Variants in NCKAP5 observed in about 807,000 individuals in gnomAD.
NCKAP5 encodes the protein nck-associated protein 5.
In NCKAP5, 92 loss-of-function variants were observed where a neutral mutation model predicts 167.0. The observed-to-expected ratio is 0.55, with a 90% CI of 0.47 to 0.66. The LOEUF (loss-of-function observed/expected upper bound fraction) is 0.66. NCKAP5 is among the 30% of genes least tolerant of loss of function. NCKAP5 has a pLI of 0.00. For missense variants in NCKAP5, 2,378 were observed against 2,315.0 expected (o/e 1.03, Z -0.56); for synonymous variants, 891 against 877.4 (o/e 1.02, Z -0.27).
chr2:133,020,602 T>C (rs2078492890), intron 6 of NCKAP5, among the ~76,000 whole-genome samples: 1 of 152,224 alleles, frequency 6.6e-6, no homozygotes, highest in African/African-American at 2.4e-5. Context: ...CACAGGATAA[T>C]GTGTCTTTTG....
At chr2:133,171,735 G>A (rs1405925838) in intron 5 of NCKAP5, among the ~76,000 whole-genome samples, 2 of 152,132 alleles carry the variant, frequency 1.3e-5, no homozygotes, top group Admixed American at 6.5e-5. Flanking sequence ...CAATAGATCC[G>A]CCGTAGTTCT....
intron 3 of NCKAP5, among the ~76,000 whole-genome samples, chr2:133,350,786 C>A (rs959731998): frequency 6.6e-6 from 1 of 152,038 alleles, no homozygotes; most frequent in African/African-American, 2.4e-5. Flanking sequence ...CCCTTTTAGT[C>A]CTCAGGATGG....
At chr2:133,293,445 A>G (rs559905814) in intron 4 of NCKAP5, among the ~76,000 whole-genome samples, 8 of 152,250 alleles carry the variant, frequency 5.3e-5, no homozygotes, top group African/African-American at 1.7e-4. Flanking sequence ...GTGCAAGGTG[A>G]TATCTTCTGG....
intron 19 of NCKAP5, among the ~76,000 whole-genome samples, chr2:132,696,161 T>C (rs946045548): frequency 1.1e-4 from 17 of 152,206 alleles, no homozygotes; most frequent in Non-Finnish European, 2.5e-4. Flanking sequence ...ATTACCTTTG[T>C]ATGCAAAAAT....
At chr2:133,178,734 AGAATGGCATAAACCCAGG>A (rs910428475) in intron 5 of NCKAP5, among the ~76,000 whole-genome samples, 2 of 147,282 alleles carry the variant, frequency 1.4e-5, no homozygotes, top group African/African-American at 5.0e-5. Flanking sequence ...CTGAGGCAGG[AGAATGGCATAAACCCAGG>A]AGGCGGAGCT....
the NCKAP5 span, among the ~76,000 whole-genome samples, chr2:133,609,685 T>C: frequency 1.3e-5 from 2 of 152,070 alleles, no homozygotes; most frequent in African/African-American, 4.8e-5. Context: ...CTCCACCAAA[T>C]GGCTTGGGTT....
the NCKAP5 span, among the ~76,000 whole-genome samples, chr2:133,598,061 T>C: frequency 1.3e-5 from 2 of 152,200 alleles, no homozygotes; most frequent in Admixed American, 6.5e-5. Flanking sequence ...CATTGTAAAT[T>C]GGAATGTCTG....
At chr2:133,553,281 A>G (rs923775775) in intron 2 of NCKAP5, among the ~76,000 whole-genome samples, 19 of 152,230 alleles carry the variant, frequency 1.2e-4, no homozygotes, top group African/African-American at 4.3e-4. Context: ...TGCAGAGCCA[A>G]CTGGTATGAA....
chr2:133,074,381 A>C (rs2149567530), intron 6 of NCKAP5, among the ~76,000 whole-genome samples: 1 of 151,698 alleles, frequency 6.6e-6, no homozygotes, highest in Admixed American at 6.6e-5. Context: ...TTTTTTTGAG[A>C]CAGGGTCTCA....
In NCKAP5 at chr2:133,344,192, G is replaced by A. The variant is rs112519595; in HGVS notation, c.70-41082C>T. 1.7e-3 allele frequency among the ~76,000 whole-genome samples: 252 copies of A among 152,252 alleles called. 3 individuals carry two copies. The highest frequency in any genetic ancestry group is 5.9e-3 in the African/African-American group (244 of 41,540). ...GGAGGCCAAGGTGGGTGGAATGCTT[G>A]AGGTCAGGCATTCGAGACCAGCCTG... On this transcript the variant is annotated intron_variant, in intron 3 of 19. Coordinates refer to ENST00000409261, the MANE Select transcript of NCKAP5 (RefSeq NM_207363.3).
chr2:133,343,645 T>C (rs1185560850), intron 3 of NCKAP5, among the ~76,000 whole-genome samples: 2 of 152,212 alleles, frequency 1.3e-5, no homozygotes, highest in Admixed American at 6.5e-5. Context: ...TACATATTGA[T>C]TGAATGCAAA....
chr2:133,135,960 A>T (rs1270493807), intron 5 of NCKAP5, among the ~76,000 whole-genome samples: 1 of 152,210 alleles, frequency 6.6e-6, no homozygotes, highest in Non-Finnish European at 1.5e-5. Flanking sequence ...TTACATATTA[A>T]AGATAATCAT....
At chr2:132,907,180 A>G (rs1694067202) in intron 8 of NCKAP5, among the ~76,000 whole-genome samples, 1 of 152,256 alleles carries the variant, frequency 6.6e-6, no homozygotes, top group South Asian at 2.1e-4. Flanking sequence ...ATAAGGAAAT[A>G]CAAATACCTA....
At chr2:133,260,321 G>A (rs749683450) in intron 4 of NCKAP5, among the ~76,000 whole-genome samples, 3 of 152,190 alleles carry the variant, frequency 2.0e-5, no homozygotes, top group Admixed American at 6.5e-5. Context: ...GGCAGGAAAG[G>A]AGGCCTTCCA....
intron 4 of NCKAP5, among the ~76,000 whole-genome samples, chr2:133,302,660 T>C (rs1207140718): frequency 3.7e-5 from 5 of 136,126 alleles, no homozygotes; most frequent in South Asian, 2.5e-4. Flanking sequence ...ATGGATAGCA[T>C]TGGGAGATAT....
At chr2:132,743,660 T>C (rs1016262294) in intron 16 of NCKAP5, among the ~76,000 whole-genome samples, 6 of 151,622 alleles carry the variant, frequency 4.0e-5, no homozygotes, top group African/African-American at 1.4e-4. Context: ...AATAATTATA[T>C]GGTAGATTTA....
At chr2:133,003,969 G>C (rs1573705220) in intron 6 of NCKAP5, among the ~76,000 whole-genome samples, 1 of 152,160 alleles carries the variant, frequency 6.6e-6, no homozygotes, top group African/African-American at 2.4e-5. Context: ...AAGCAGAGAT[G>C]GGCACTCAGA....
intron 4 of NCKAP5, among the ~76,000 whole-genome samples, chr2:133,264,669 A>G (rs2089093831): frequency 6.6e-6 from 1 of 152,206 alleles, no homozygotes; most frequent in Admixed American, 6.5e-5. Flanking sequence ...CTCTGCCAAA[A>G]ATATTGGGGT....
rs552482818 is a variant in NCKAP5, at chr2:132,693,288, T to C, written c.5714-19983A>G. Among the ~76,000 whole-genome samples the C allele has an allele frequency of 3.3e-5, 5 of 152,310 alleles. No homozygotes were observed. The East Asian group carries it at 5.8e-4, about 18-fold the overall frequency. On this transcript the variant is annotated intron_variant, in intron 19 of 19. Transcript: ENST00000409261. ...TTGGAAATAGGTTTTTTAGATTTTA[T>C]TGAGATGTAAGTTAAGGTGGATCAT...
Sources: gnomAD v4.1 joint callset for allele counts (sites outside exome capture counted in the v4.1 genomes callset) on GRCh38, gnomAD v4.1.1 for gene constraint, MANE v1.5 for transcripts, NCBI Gene and HGNC (gene_info 2026-07-23, HGNC 2026-07-21) for gene names.